The following RARB variants were observed in gnomAD, a reference collection of about 807,000 sequenced individuals.
RARB encodes the protein HBV-activated protein.
RARB carries 17 observed loss-of-function variants against 51.9 expected under a neutral mutation model. That is an observed-to-expected ratio of 0.33 (90% CI 0.22 to 0.49). The LOEUF (loss-of-function observed/expected upper bound fraction) is 0.49. RARB is among the 20% of genes least tolerant of loss of function. The pLI is 0.99. For synonymous variants in RARB, 215 were observed against 195.4 expected (o/e 1.10, Z -0.84); for missense variants, 369 against 550.8 (o/e 0.67, Z 3.30).
In RARB at chr3:25,532,415, G is replaced by T. The variant is rs144426937; in HGVS notation, c.448+31092G>T. Among the ~76,000 whole-genome samples the T allele has an allele frequency of 4.0e-3, 605 of 152,296 alleles. 3 individuals are homozygous for T. Among genetic ancestry groups the T allele is most frequent in the African/African-American group, 0.014 (563 of 41,550 alleles). On this transcript the variant is annotated intron_variant, in intron 3 of 7. Transcript: ENST00000330688. Reference sequence around the variant, plus strand: ...TATTAACAGCAGAGGGGCAGGAGACGAAAGGAGAGTGAAGCTGTTAAAAAA... The same window carrying T: ...TATTAACAGCAGAGGGGCAGGAGACTAAAGGAGAGTGAAGCTGTTAAAAAA...
chr3:25,129,422 A>G (rs1259079272), intron 3 of RARB, among the ~76,000 whole-genome samples: 1 of 152,126 alleles, frequency 6.6e-6, no homozygotes, highest in Non-Finnish European at 1.5e-5. Context: ...AGTTTGGAGC[A>G]TAAATGGATA....
intron 5 of RARB, among the ~76,000 whole-genome samples, chr3:25,330,027 A>G (rs982135998): frequency 3.3e-5 from 5 of 152,218 alleles, no homozygotes; most frequent in Admixed American, 6.5e-5. Context: ...AAAAGACCAA[A>G]TCTACATCTG....
chr3:24,898,172 C>A (rs1465769832), intron 2 of RARB, among the ~76,000 whole-genome samples: 1 of 152,124 alleles, frequency 6.6e-6, no homozygotes, highest in East Asian at 1.9e-4. Context: ...CCTACAGACA[C>A]TGCTGTGACT....
At chr3:25,365,645 C>T (rs1354626731) in intron 5 of RARB, among the ~76,000 whole-genome samples, 1 of 152,114 alleles carries the variant, frequency 6.6e-6, no homozygotes, top group Non-Finnish European at 1.5e-5. Flanking sequence ...GACTTGAAGG[C>T]CAGATATTGA....
intron 5 of RARB, among the ~76,000 whole-genome samples, chr3:25,286,720 T>A (rs950496939): frequency 2.0e-5 from 3 of 152,210 alleles, no homozygotes; most frequent in African/African-American, 7.2e-5. Flanking sequence ...TTTGAACATT[T>A]TAATTGTACT....
Position 24,858,460 on chromosome 3 carries a change from C to T in RARB, c.-458-214C>T, listed in dbSNP as rs139062043. ...GCTGTACCCTATCGTGTGATTCCCT[C>T]CTTGTGAACGGGTACAGCTTCAGTG... On this transcript the variant is annotated intron_variant, in intron 1 of 11. Transcript: ENST00000383772. Among the ~76,000 whole-genome samples, 250 of 152,270 alleles carry T rather than the reference C, an allele frequency of 1.6e-3. 1 individual carries two copies. Among genetic ancestry groups the T allele is most frequent in the African/African-American group, 5.7e-3 (237 of 41,552 alleles).
intron 5 of RARB, among the ~76,000 whole-genome samples, chr3:25,358,693 T>C (rs1559370574): frequency 1.3e-5 from 2 of 152,208 alleles, no homozygotes; most frequent in Non-Finnish European, 2.9e-5. Flanking sequence ...CATGAAGGGT[T>C]GTTGAATTTT....
intron 2 of RARB, among the ~76,000 whole-genome samples, chr3:25,464,256 T>C (rs901089370): frequency 2.4e-4 from 36 of 152,308 alleles, no homozygotes; most frequent in African/African-American, 8.7e-4. Context: ...ATGAAGCTGT[T>C]TCATGATCTG....
chr3:25,354,419 C>T (rs1705668680), intron 5 of RARB, among the ~76,000 whole-genome samples: 1 of 152,090 alleles, frequency 6.6e-6, no homozygotes, highest in Non-Finnish European at 1.5e-5. Flanking sequence ...GTCTGTTCTT[C>T]TCGTTTCTAA....
chr3:24,897,095 G>A (rs1279819691), intron 2 of RARB, among the ~76,000 whole-genome samples: 1 of 152,184 alleles, frequency 6.6e-6, no homozygotes, highest in Non-Finnish European at 1.5e-5. Flanking sequence ...AAATTAGACT[G>A]CTGCTAATTA....
intron 4 of RARB, among the ~76,000 whole-genome samples, chr3:25,169,917 G>A (rs1700614841): frequency 6.6e-6 from 1 of 151,440 alleles, no homozygotes; most frequent in South Asian, 2.1e-4. Flanking sequence ...GTGCTCAGGT[G>A]TTTGAGGCTG....
chr3:25,439,438 C>A (rs1708568333), intron 1 of RARB, among the ~76,000 whole-genome samples: 2 of 152,160 alleles, frequency 1.3e-5, no homozygotes, highest in South Asian at 4.1e-4. Context: ...CAGGGTCTCG[C>A]TCTGTTGCCC....
chr3:25,537,725 C>T (rs1699200542), intron 3 of RARB, among the ~76,000 whole-genome samples: 1 of 152,200 alleles, frequency 6.6e-6, no homozygotes, highest in Non-Finnish European at 1.5e-5. Context: ...TCTTGAATGC[C>T]TGGAGCAGAA....
At chr3:25,409,033 C>G (rs576317636) in intron 5 of RARB, among the ~76,000 whole-genome samples, 3 of 152,094 alleles carry the variant, frequency 2.0e-5, no homozygotes, top group African/African-American at 7.2e-5. Flanking sequence ...GACTCTGTCT[C>G]AAAATAATAA....
chr3:25,185,004 G>A (rs945360215), intron 5 of RARB, among the ~76,000 whole-genome samples: 1 of 152,174 alleles, frequency 6.6e-6, no homozygotes, highest in African/African-American at 2.4e-5. Flanking sequence ...TCTTGTCACA[G>A]GACAATCATT....
At chr3:25,368,776 G>A (rs1269371816) in intron 5 of RARB, among the ~76,000 whole-genome samples, 4 of 152,156 alleles carry the variant, frequency 2.6e-5, no homozygotes, top group Non-Finnish European at 5.9e-5. Context: ...CCTGGAGTCA[G>A]CCTGCAGGAC....
At chr3:25,361,782 C>T (rs895067320) in intron 5 of RARB, among the ~76,000 whole-genome samples, 1 of 152,162 alleles carries the variant, frequency 6.6e-6, no homozygotes, top group Admixed American at 6.5e-5. Context: ...CATTCCAGAC[C>T]CTGTTTGCGT....
intron 2 of RARB, among the ~76,000 whole-genome samples, chr3:24,946,671 C>A (rs1695782825): frequency 6.6e-6 from 1 of 151,998 alleles, no homozygotes; most frequent in South Asian, 2.1e-4. Context: ...GAATTAGAGA[C>A]CAGCTTAGGC....
intron 2 of RARB, among the ~76,000 whole-genome samples, chr3:24,933,772 T>C (rs1221360603): frequency 6.6e-6 from 1 of 152,184 alleles, no homozygotes; most frequent in Non-Finnish European, 1.5e-5. Flanking sequence ...ACTTTTTTTG[T>C]GATCACTTTT....
Sources: allele counts gnomAD v4.1 joint callset (sites outside exome capture counted in the v4.1 genomes callset), GRCh38; gene constraint gnomAD v4.1.1; transcripts MANE v1.5; gene names NCBI Gene and HGNC (gene_info 2026-07-23, HGNC 2026-07-21).